Variants in LRRC49 observed in about 807,000 individuals in gnomAD.
LRRC49 encodes the protein leucine rich repeat containing 49.
Under a neutral mutation model 83.3 loss-of-function variants are expected in LRRC49, and 50 were observed. That is an observed-to-expected ratio of 0.60 (90% CI 0.48 to 0.76). LRRC49 has a LOEUF of 0.76. LRRC49 is among the 30% of genes least tolerant of loss of function. The pLI is 0.00. For synonymous variants in LRRC49, 286 were observed against 283.3 expected (o/e 1.01, Z -0.10); for missense variants, 704 against 809.1 (o/e 0.87, Z 1.58).
At chr15:70,982,684 G>GTA (rs2037447671) in intron 10 of LRRC49, among the ~76,000 whole-genome samples, 1 of 152,118 alleles carries the variant, frequency 6.6e-6, no homozygotes, top group Non-Finnish European at 1.5e-5. Context: ...AGGTGTGACT[G>GTA]TAGCACACTA....
intron 10 of LRRC49, among the ~76,000 whole-genome samples, chr15:70,982,452 A>G (rs578002455): frequency 6.6e-6 from 1 of 152,316 alleles, no homozygotes; most frequent in East Asian, 1.9e-4. Context: ...TGGGGAAAAA[A>G]TGTTTTTACA....
chr15:70,887,189 T>C (rs953780429), intron 2 of LRRC49, among the ~76,000 whole-genome samples: 1 of 152,050 alleles, frequency 6.6e-6, no homozygotes, highest in Non-Finnish European at 1.5e-5. Flanking sequence ...CAAATATTAA[T>C]ACCAAATTTA....
intron 7 of LRRC49, among the ~76,000 whole-genome samples, chr15:70,933,069 G>A (rs2035470908): frequency 6.6e-6 from 1 of 152,092 alleles, no homozygotes; most frequent in Non-Finnish European, 1.5e-5. Flanking sequence ...GGACAACAGT[G>A]CCTGAGCAGA....
At chr15:71,002,429 C>T (rs2038292140) in intron 11 of LRRC49, among the ~76,000 whole-genome samples, 1 of 152,100 alleles carries the variant, frequency 6.6e-6, no homozygotes, top group African/African-American at 2.4e-5. Flanking sequence ...TCACTATTCA[C>T]TGTACTTGGG....
intron 8 of LRRC49, among the ~76,000 whole-genome samples, chr15:70,958,648 GTT>G (rs1222577928): frequency 6.6e-6 from 1 of 152,130 alleles, no homozygotes; most frequent in East Asian, 1.9e-4. Context: ...GTTCAAGCTT[GTT>G]TATACTTTAA....
intron 1 of LRRC49, among the ~76,000 whole-genome samples, chr15:70,864,112 G>C (rs547819523): frequency 6.6e-6 from 1 of 152,130 alleles, no homozygotes; most frequent in Non-Finnish European, 1.5e-5. Context: ...AGCTAGATTC[G>C]TCTATGAACA....
At chr15:70,996,754 G>C (rs1025820549) in intron 11 of LRRC49, among the ~76,000 whole-genome samples, 1 of 152,116 alleles carries the variant, frequency 6.6e-6, no homozygotes, top group Non-Finnish European at 1.5e-5. Context: ...GCATTTGCAA[G>C]ATGAGTCTAT....
At chr15:70,994,210 G>A (rs1431402692) in intron 11 of LRRC49, among the ~76,000 whole-genome samples, 1 of 152,040 alleles carries the variant, frequency 6.6e-6, no homozygotes. Context: ...CAATTGACTA[G>A]TCAATTTGCT....
intron 1 of LRRC49, among the ~76,000 whole-genome samples, chr15:70,854,335 T>A (rs2141064276): frequency 6.6e-6 from 1 of 152,040 alleles, no homozygotes; most frequent in African/African-American, 2.4e-5. Flanking sequence ...TTTCCGGAGC[T>A]CCTCCGACGG....
At chr15:70,987,847 G>A (rs1410479798) in intron 11 of LRRC49, among the ~76,000 whole-genome samples, 5 of 151,896 alleles carry the variant, frequency 3.3e-5, no homozygotes, top group African/African-American at 7.3e-5. Flanking sequence ...CTTTGTTCTC[G>A]TTGGTTTCAA....
chr15:71,027,725 A>G (rs937149769), intron 14 of LRRC49, among the ~76,000 whole-genome samples: 15 of 152,190 alleles, frequency 9.9e-5, no homozygotes, highest in Non-Finnish European at 4.4e-5. Context: ...TAGTTCACTC[A>G]TGATTTGGCT....
intron 11 of LRRC49, 67 bp downstream of exon 11, chr15:70,984,324 A>G: frequency 2.3e-6 from 3 of 1,314,916 alleles, no homozygotes; most frequent in East Asian, 4.9e-5. Context: ...GGAATTAGAA[A>G]CCATTTTACA....
At chr15:70,958,256 C>T (rs2036474146) in intron 8 of LRRC49, among the ~76,000 whole-genome samples, 3 of 152,174 alleles carry the variant, frequency 2.0e-5, no homozygotes, top group South Asian at 4.2e-4. Context: ...TTTTCTTTTT[C>T]GTATACCCTT....
At chr15:70,941,113 C>T (rs2035798759) in intron 8 of LRRC49, among the ~76,000 whole-genome samples, 1 of 152,058 alleles carries the variant, frequency 6.6e-6, no homozygotes, top group South Asian at 2.1e-4. Context: ...GACTGTAAAG[C>T]CTAGCTCCAG....
chr15:70,929,860 G>T (rs2035342936), intron 7 of LRRC49, among the ~76,000 whole-genome samples: 1 of 152,192 alleles, frequency 6.6e-6, no homozygotes, highest in Admixed American at 6.6e-5. Context: ...TTGGTCATGA[G>T]ATTGCAGCCA....
At chr15:70,884,166 G>A (rs1455144591) in intron 2 of LRRC49, among the ~76,000 whole-genome samples, 6 of 152,166 alleles carry the variant, frequency 3.9e-5, no homozygotes, top group African/African-American at 1.2e-4. Context: ...AGTAGTGGCA[G>A]CTGCCTTCAA....
chr15:71,006,883 C>G (rs543322842), intron 11 of LRRC49, among the ~76,000 whole-genome samples: 3 of 152,174 alleles, frequency 2.0e-5, no homozygotes, highest in African/African-American at 7.2e-5. Flanking sequence ...GAGATATAAT[C>G]TAACTCAATG....
At chr15:70,913,405 G>C (rs1031876637) in intron 6 of LRRC49, among the ~76,000 whole-genome samples, 1 of 152,242 alleles carries the variant, frequency 6.6e-6, no homozygotes, top group South Asian at 2.1e-4. Context: ...AGTGGGAGGA[G>C]TGTTGGTGGC....
intron 8 of LRRC49, among the ~76,000 whole-genome samples, chr15:70,961,568 TAAAAA>T (rs2036602450): frequency 6.6e-6 from 1 of 152,146 alleles, no homozygotes; most frequent in Non-Finnish European, 1.5e-5. Context: ...TGCTCAGTGA[TAAAAA>T]GAAATGAGCT....
Sources: gnomAD v4.1 joint callset for allele counts (sites outside exome capture counted in the v4.1 genomes callset) on GRCh38, gnomAD v4.1.1 for gene constraint, MANE v1.5 for transcripts, NCBI Gene and HGNC (gene_info 2026-07-23, HGNC 2026-07-21) for gene names.